Variants in NEK3 observed in about 807,000 individuals in gnomAD.
NEK3 encodes the protein NIMA related kinase 3.
Under a neutral mutation model 66.0 loss-of-function variants are expected in NEK3, and 54 were observed. That is an observed-to-expected ratio of 0.82 (90% CI 0.66 to 1.03). The LOEUF is 1.03. NEK3 is among the 50% of genes least tolerant of loss of function. The probability of loss-of-function intolerance (pLI) is 0.00; values close to 1 mark genes in which losing one functional copy is unlikely to be tolerated. For synonymous variants in NEK3, 200 were observed against 206.2 expected, an observed-to-expected ratio of 0.97 and a Z score of 0.26; for missense variants, 593 against 603.0, an observed-to-expected ratio of 0.98 and a Z score of 0.17.
intron 2 of NEK3, among the ~76,000 whole-genome samples, chr13:52,154,910 T>C (rs903285975): frequency 2.0e-5 from 3 of 150,554 alleles, no homozygotes; most frequent in Non-Finnish European, 4.4e-5. Context: ...TGAGCTACGA[T>C]TGTGCCACTA....
chr13:52,147,789 T>C, intron 8 of NEK3, among the ~76,000 whole-genome samples: 1 of 151,834 alleles, frequency 6.6e-6, no homozygotes, highest in African/African-American at 2.4e-5. Flanking sequence ...CTGCTCAACA[T>C]GGGGGAAAAT....
chr13:52,151,769 A>G (rs550776009), intron 5 of NEK3, among the ~76,000 whole-genome samples: 1 of 152,350 alleles, frequency 6.6e-6, no homozygotes, highest in East Asian at 1.9e-4. Context: ...ACACAGTCAC[A>G]TGCTGCATAA....
At chr13:52,148,189 A>G (rs895857904) in intron 8 of NEK3, 1 of 384,216 alleles carries the variant, frequency 2.6e-6, no homozygotes, top group Non-Finnish European at 4.6e-6. Context: ...AAGAGAAAGA[A>G]AGAGAGAGAA....
At chr13:52,150,913 G>A (rs919643842) in intron 7 of NEK3, among the ~76,000 whole-genome samples, 1 of 152,156 alleles carries the variant, frequency 6.6e-6, no homozygotes, top group Non-Finnish European at 1.5e-5. Context: ...TTCAGCATTT[G>A]CTCCTCTCAG....
At chr13:52,144,547 C>T in intron 9 of NEK3, 144 bp downstream of exon 9, 1 of 665,690 alleles carries the variant, frequency 1.5e-6, no homozygotes, top group Non-Finnish European at 2.5e-6. Flanking sequence ...AGGAAGGAAA[C>T]GAAGTTTTAA....
At chr13:52,141,100 T>A (rs1956247181) in intron 10 of NEK3, 31 bp from the exon 11 acceptor site, 2 of 1,557,726 alleles carry the variant, frequency 1.3e-6, no homozygotes, top group East Asian at 2.3e-5. Flanking sequence ...GGTAGAAAGA[T>A]AAAACACATA....
At chr13:52,144,025 A>C in intron 9 of NEK3, 38 bp from the exon 10 acceptor site, 6 of 1,088,472 alleles carry the variant, frequency 5.5e-6, no homozygotes, top group Non-Finnish European at 6.7e-6. Context: ...ATGTGAAAAC[A>C]TACTTTTCTA....
In NEK3 at chr13:52,155,080, G is replaced by T. The variant is rs184544582; in HGVS notation, c.118-907C>A. 2.0e-3 allele frequency among the ~76,000 whole-genome samples: 299 copies of T among 152,038 alleles called. 1 individual carries two copies. The highest frequency in any genetic ancestry group is 3.9e-3 in the Admixed American group (59 of 15,266). ...AAATGCAAATTCACAAGCCCACCTGGACCTACTCAATCGGAAGCCTGGGGG... is the reference window on the plus strand; with the variant it reads ...AAATGCAAATTCACAAGCCCACCTGTACCTACTCAATCGGAAGCCTGGGGG... On this transcript the variant is annotated intron_variant, in intron 2 of 15. Transcript: ENST00000610828.
intron 2 of NEK3, 65 bp from the exon 3 acceptor site, chr13:52,154,238 A>G: frequency 9.7e-7 from 1 of 1,030,558 alleles, no homozygotes; most frequent in Non-Finnish European, 1.4e-6. Context: ...ACTTTACAAT[A>G]ACATGGTTTA....
chr13:52,154,071 C>A lies in NEK3; in HGVS notation c.211+9G>T, dbSNP rs374646801. 1 of 1,607,204 alleles carries A rather than the reference C, an allele frequency of 6.2e-7. No individual in the cohort carries two copies. The stretch of plus-strand genomic sequence containing the variant: ...AGAAATGCACATATCTGGGGGAATT[C>A]GTATTTACCTTCAAATGATTCTTTG... On this transcript the variant is annotated intron_variant, in intron 3 of 15. Coordinates refer to ENST00000610828, the MANE Select transcript of NEK3 (RefSeq NM_002498.3).
intron 10 of NEK3, among the ~76,000 whole-genome samples, chr13:52,143,310 C>T (rs1291570161): frequency 8.7e-6 from 1 of 115,246 alleles, no homozygotes; most frequent in Non-Finnish European, 2.2e-5. Context: ...GAGTGAAGCT[C>T]CATTTCAAAA....
At chr13:52,141,855 G>A (rs1363556689) in intron 10 of NEK3, among the ~76,000 whole-genome samples, 1 of 151,502 alleles carries the variant, frequency 6.6e-6, no homozygotes, top group Non-Finnish European at 1.5e-5. Flanking sequence ...CAAGGCTGGT[G>A]GATCACCTGA....
At chr13:52,152,340 C>T (rs990914232) in intron 5 of NEK3, among the ~76,000 whole-genome samples, 5 of 151,988 alleles carry the variant, frequency 3.3e-5, no homozygotes, top group Non-Finnish European at 5.9e-5. Flanking sequence ...GTACGTGAGG[C>T]AACAGATATG....
At chr13:52,147,406 G>A (rs1956303502) in intron 8 of NEK3, among the ~76,000 whole-genome samples, 1 of 152,160 alleles carries the variant, frequency 6.6e-6, no homozygotes, top group Non-Finnish European at 1.5e-5. Context: ...GGATAAACAT[G>A]TCTATACACA....
chr13:52,133,970 T>C (rs1403600560), intron 14 of NEK3, 155 bp from the exon 15 acceptor site: 4 of 704,700 alleles, frequency 5.7e-6, no homozygotes, highest in East Asian at 2.8e-5. Flanking sequence ...AACATGATTG[T>C]AGGCATAAAA....
chr13:52,150,577 A>G (rs912441668), intron 7 of NEK3, among the ~76,000 whole-genome samples: 5 of 152,224 alleles, frequency 3.3e-5, no homozygotes, highest in African/African-American at 9.6e-5. Flanking sequence ...CCATCCCCAC[A>G]ATTGGCACAT....
intron 7 of NEK3, among the ~76,000 whole-genome samples, chr13:52,149,868 C>CA (rs76728379): frequency 0.016 from 2,021 of 125,924 alleles, 23 homozygotes; most frequent in Non-Finnish European, 0.02. Flanking sequence ...GACTCTGTCT[C>CA]AAAAAAAAAA....
At chr13:52,135,918 T>A (rs191847609) in intron 13 of NEK3, 55 bp from the exon 14 acceptor site, 1 of 1,578,658 alleles carries the variant, frequency 6.3e-7, no homozygotes, top group Non-Finnish European at 8.6e-7. Context: ...TTTCAGCATG[T>A]ACTTTCCAGA....
chr13:52,149,242 T>C (rs1594028031), intron 7 of NEK3, among the ~76,000 whole-genome samples: 1 of 151,500 alleles, frequency 6.6e-6, no homozygotes, highest in Admixed American at 6.6e-5. Context: ...CTGTGTTGCC[T>C]AGGCTGGAGT....
Sources: allele counts gnomAD v4.1 joint callset (sites outside exome capture counted in the v4.1 genomes callset), GRCh38; gene constraint gnomAD v4.1.1; transcripts MANE v1.5; gene names NCBI Gene and HGNC (gene_info 2026-07-23, HGNC 2026-07-21).